AGMO: variants seen among roughly 807,000 people sequenced by gnomAD.
AGMO encodes the protein alkylglycerol monooxygenase, also known as glyceryl-ether monooxygenase.
Under a neutral mutation model 60.2 loss-of-function variants are expected in AGMO, and 75 were observed. The ratio of observed to expected loss-of-function variants is 1.25; its 90% CI spans 1.03 to 1.51. The LOEUF is 1.51. Ranked by LOEUF, AGMO falls within the 40% of genes most tolerant of loss-of-function variation. The probability of loss-of-function intolerance (pLI) is 0.00; values close to 1 mark genes in which losing one functional copy is unlikely to be tolerated. For synonymous variants in AGMO, 261 were observed against 177.1 expected (o/e 1.47, Z -3.76); for missense variants, 763 against 525.5 (o/e 1.45, Z -4.42).
intron 4 of AGMO, among the ~76,000 whole-genome samples, chr7:15,425,634 C>T (rs1781039241): frequency 6.6e-6 from 1 of 151,932 alleles, no homozygotes; most frequent in African/African-American, 2.4e-5. Flanking sequence ...GAGACAGCAT[C>T]TTGTGATATT....
chr7:15,314,445 G>T (rs1446108450), intron 12 of AGMO, among the ~76,000 whole-genome samples: 1 of 151,928 alleles, frequency 6.6e-6, no homozygotes, highest in African/African-American at 2.4e-5. Context: ...TATAAATGTT[G>T]ATTTTATATA....
Position 15,415,996 on chromosome 7 carries a change from A to G in AGMO, c.609+2562T>C, listed in dbSNP as rs143669746. Among the ~76,000 whole-genome samples, 298 of 150,690 alleles carry G rather than the reference A, an allele frequency of 2.0e-3. 8 individuals carry two copies. In the East Asian group the frequency reaches 0.056, roughly 28 times the overall value. ...TTTCAAAAAAAGAGGATGACAATAG[A>G]CCTTGTTGTTTGTTTTTCTTTTCTT... On this transcript the variant is annotated intron_variant, in intron 5 of 12. Transcript: ENST00000342526.
Position 15,354,411 on chromosome 7 carries a change from CGTGTGTGTATACACACACGT to C in AGMO, c.1263+11083_1263+11102del, listed in dbSNP as rs1228996851. On this transcript the variant is annotated intron_variant, in intron 12 of 12. Coordinates refer to ENST00000342526, the MANE Select transcript of AGMO (RefSeq NM_001004320.2). ...GTGTGTATACACGTGTGTGTACACA[CGTGTGTGTATACACACACGT>C]GTGTGTATACACACGTGTGTGTATA... Among the ~76,000 whole-genome samples, 11 of 21,632 alleles carry C rather than the reference CGTGTGTGTATACACACACGT, an allele frequency of 5.1e-4. 2 individuals are homozygous for C. Among genetic ancestry groups the C allele is most frequent in the Non-Finnish European group, 7.3e-4 (10 of 13,726 alleles). 14.2% of individuals were successfully genotyped at this position (21,632 alleles called of 152,430 possible).
At chr7:15,185,420 A>G in the AGMO span, among the ~76,000 whole-genome samples, 15 of 151,122 alleles carry the variant, frequency 9.9e-5, no homozygotes, top group Non-Finnish European at 1.9e-4. Context: ...AAAACTACCT[A>G]TGAACATATT....
chr7:15,537,987 A>G (rs922735083), intron 3 of AGMO, among the ~76,000 whole-genome samples: 8 of 152,104 alleles, frequency 5.3e-5, no homozygotes, highest in Admixed American at 2.0e-4. Flanking sequence ...AAATAAACTC[A>G]GAGGAAAATG....
At chr7:15,292,909 C>T (rs1784313878) in intron 12 of AGMO, among the ~76,000 whole-genome samples, 1 of 151,380 alleles carries the variant, frequency 6.6e-6, no homozygotes, top group Admixed American at 6.6e-5. Flanking sequence ...AAGCACCCGC[C>T]ACCAAATCCA....
chr7:15,543,057 A>G (rs1288471519), intron 3 of AGMO, among the ~76,000 whole-genome samples: 1 of 152,072 alleles, frequency 6.6e-6, no homozygotes, highest in Non-Finnish European at 1.5e-5. Flanking sequence ...TCACTCCTAC[A>G]CAGAGAGCTC....
intron 12 of AGMO, among the ~76,000 whole-genome samples, chr7:15,325,082 G>A (rs960180004): frequency 2.6e-5 from 4 of 151,982 alleles, no homozygotes; most frequent in Admixed American, 6.6e-5. Context: ...CCCTGTAATT[G>A]TTTCTTATTG....
At chr7:15,490,148 T>C (rs945164726) in intron 3 of AGMO, among the ~76,000 whole-genome samples, 2 of 152,206 alleles carry the variant, frequency 1.3e-5, no homozygotes, top group Non-Finnish European at 2.9e-5. Flanking sequence ...TGGACTATTG[T>C]GTTGTAAGCA....
At chr7:15,346,597 G>C (rs145370148) in intron 12 of AGMO, among the ~76,000 whole-genome samples, 1 of 143,434 alleles carries the variant, frequency 7.0e-6, no homozygotes, top group Non-Finnish European at 1.5e-5. Context: ...CCTAATTTTT[G>C]TATCATAAAT....
chr7:15,301,385 G>C (rs1199231125), intron 12 of AGMO, among the ~76,000 whole-genome samples: 1 of 152,020 alleles, frequency 6.6e-6, no homozygotes, highest in Non-Finnish European at 1.5e-5. Flanking sequence ...GTTGCAGTGA[G>C]CCAAGATCAC....
At chr7:15,486,017 A>C (rs1424150331) in intron 3 of AGMO, among the ~76,000 whole-genome samples, 2 of 152,166 alleles carry the variant, frequency 1.3e-5, no homozygotes, top group Non-Finnish European at 2.9e-5. Flanking sequence ...TGTCATCAGA[A>C]GTTCTGAGCT....
At chr7:15,249,437 A>C (rs1004582164) in intron 12 of AGMO, among the ~76,000 whole-genome samples, 3 of 152,282 alleles carry the variant, frequency 2.0e-5, no homozygotes, top group Admixed American at 6.5e-5. Flanking sequence ...TAGATGAAAA[A>C]TATTTTGTTA....
intron 3 of AGMO, among the ~76,000 whole-genome samples, chr7:15,445,866 C>T (rs1192804009): frequency 2.6e-5 from 4 of 152,154 alleles, no homozygotes; most frequent in Non-Finnish European, 5.9e-5. Flanking sequence ...CCCTGCCTCT[C>T]TTCTGCCACT....
At chr7:15,232,306 A>G (rs1462621534) in intron 12 of AGMO, among the ~76,000 whole-genome samples, 3 of 152,192 alleles carry the variant, frequency 2.0e-5, no homozygotes, top group African/African-American at 4.8e-5. Context: ...TTTAGGAAAC[A>G]GGGCTTGTGA....
chr7:15,343,691 C>CT (rs1781936877), intron 12 of AGMO, among the ~76,000 whole-genome samples: 1 of 152,056 alleles, frequency 6.6e-6, no homozygotes, highest in Non-Finnish European at 1.5e-5. Flanking sequence ...ATGACATGAG[C>CT]TTTGTGGTTT....
intron 2 of AGMO, among the ~76,000 whole-genome samples, chr7:15,553,065 G>C (rs973951057): frequency 6.7e-6 from 1 of 150,020 alleles, no homozygotes; most frequent in Non-Finnish European, 1.5e-5. Flanking sequence ...GTAAACTATC[G>C]CAAGAACAAA....
chr7:15,123,791 T>G, the AGMO span, among the ~76,000 whole-genome samples: 45 of 152,218 alleles, frequency 3.0e-4, no homozygotes, highest in Middle Eastern at 0.02. Flanking sequence ...GTAATTTAAT[T>G]GACTCAGGTT....
intron 12 of AGMO, among the ~76,000 whole-genome samples, chr7:15,345,307 T>TC (rs1781994573): frequency 6.6e-6 from 1 of 152,190 alleles, no homozygotes; most frequent in Non-Finnish European, 1.5e-5. Flanking sequence ...GGAACGATTT[T>TC]CAGTTCCCCA....
Sources: gnomAD v4.1 joint callset for allele counts (sites outside exome capture counted in the v4.1 genomes callset) on GRCh38, gnomAD v4.1.1 for gene constraint, MANE v1.5 for transcripts, NCBI Gene and HGNC (gene_info 2026-07-23, HGNC 2026-07-21) for gene names.